The following TANGO6 variants were observed in gnomAD, a reference collection of about 807,000 sequenced individuals.
TANGO6 encodes transport and Golgi organization protein 6 homolog.
A neutral mutation model predicts 114.2 loss-of-function variants in TANGO6; 90 were observed. That is an observed-to-expected ratio of 0.79 (90% confidence interval 0.66 to 0.94). The LOEUF is 0.94. TANGO6 is among the 40% of genes least tolerant of loss of function. The probability of loss-of-function intolerance (pLI) is 0.00; values close to 1 mark genes in which losing one functional copy is unlikely to be tolerated. For synonymous variants in TANGO6, 477 were observed against 509.8 expected (o/e 0.94, Z 0.87); for missense variants, 1,274 against 1,315.3 (o/e 0.97, Z 0.49).
intron 8 of TANGO6, 107 bp from the exon 9 acceptor site, chr16:68,902,221 A>T: frequency 9.3e-7 from 1 of 1,074,342 alleles, no homozygotes; most frequent in Admixed American, 2.8e-5. Context: ...TTGTGCCAGC[A>T]TTTAAAATGC....
At position 68,852,842 on chromosome 16, in the gene TANGO6, A is replaced by G. The variant is rs80095867; in HGVS notation, c.95-7042A>G. ...GCGAGACCCCCGTCTCAAAAAGAAA[A>G]AGAAAAAAAGAAAAGTTGAAAGAAT... On this transcript the variant is annotated intron_variant, in intron 1 of 17. Coordinates refer to ENST00000261778, the MANE Select transcript of TANGO6 (RefSeq NM_024562.2). Among the ~76,000 whole-genome samples the G allele has an allele frequency of 6.8e-3, 1,032 of 152,182 alleles. 6 individuals carry two copies. The highest frequency in any genetic ancestry group is 0.014 in the Middle Eastern group (4 of 294).
At position 69,058,817 on chromosome 16, in the gene TANGO6, C is replaced by G. The variant is rs531450333; in HGVS notation, c.3108+18396C>G. 4.6e-5 allele frequency among the ~76,000 whole-genome samples: 7 copies of G among 151,994 alleles called. No homozygotes were observed. In the East Asian group the frequency reaches 1.4e-3, roughly 29 times the overall value. On this transcript the variant is annotated intron_variant, in intron 17 of 17. Transcript: ENST00000261778. Reference sequence around the variant, plus strand: ...AGTAGCTGGGACTACAGGCGCCCGCCACCACACCTGGCTAATTTTTTTGTA... The same window carrying G: ...AGTAGCTGGGACTACAGGCGCCCGCGACCACACCTGGCTAATTTTTTTGTA...
At chr16:69,036,792 A>T (rs1256592550) in intron 16 of TANGO6, among the ~76,000 whole-genome samples, 1 of 152,086 alleles carries the variant, frequency 6.6e-6, no homozygotes, top group African/African-American at 2.4e-5. Context: ...GCAAAACTCC[A>T]TCTCTACAAA....
In TANGO6 at chr16:69,065,519, C is replaced by G. The variant is rs1301053904; in HGVS notation, c.3109-17966C>G. ...TGATACCCGCCTCATCTCCTTTCCA[C>G]CCCATCTCCAATTTGCACTTTAGAT... is the stretch of plus-strand genomic sequence containing the variant. On this transcript the variant is annotated intron_variant, in intron 17 of 17. Transcript: ENST00000261778. Among the ~76,000 whole-genome samples, 3 of 152,218 alleles carry G rather than the reference C, an allele frequency of 2.0e-5. No individual in the cohort carries two copies. The South Asian group carries it at 6.2e-4, about 32-fold the overall frequency.
At chr16:68,995,804 G>A (rs931659137) in intron 15 of TANGO6, among the ~76,000 whole-genome samples, 3 of 152,198 alleles carry the variant, frequency 2.0e-5, no homozygotes, top group Admixed American at 1.3e-4. Flanking sequence ...ACCTTGAAAT[G>A]TCAGAGATGT....
intron 17 of TANGO6, among the ~76,000 whole-genome samples, chr16:69,063,442 G>A (rs1212487577): frequency 2.0e-5 from 3 of 151,662 alleles, no homozygotes; most frequent in African/African-American, 7.3e-5. Context: ...GGAGAATGGC[G>A]TGAACCCCGG....
intron 1 of TANGO6, among the ~76,000 whole-genome samples, chr16:68,857,347 G>A (rs1962012527): frequency 6.6e-6 from 1 of 151,162 alleles, no homozygotes; most frequent in South Asian, 2.1e-4. Flanking sequence ...TTTTATCACT[G>A]ATTAATATTC....
chr16:68,982,660 CAG>C (rs1043068294), intron 15 of TANGO6, among the ~76,000 whole-genome samples: 8 of 75,770 alleles, frequency 1.1e-4, no homozygotes, highest in South Asian at 3.8e-4. Flanking sequence ...TTTGTAGAGA[CAG>C]GGGCTCACTA....
intron 15 of TANGO6, among the ~76,000 whole-genome samples, chr16:68,990,695 C>T (rs1963939167): frequency 6.6e-6 from 1 of 152,184 alleles, no homozygotes; most frequent in Admixed American, 6.5e-5. Flanking sequence ...GCATGAGCCA[C>T]CATGCCTGGC....
intron 16 of TANGO6, among the ~76,000 whole-genome samples, chr16:69,031,093 T>A (rs897646775): frequency 1.3e-4 from 19 of 151,858 alleles, no homozygotes; most frequent in African/African-American, 4.3e-4. Flanking sequence ...AATTTAAAAA[T>A]TTTTTTTAAA....
In TANGO6 at chr16:68,880,795, G is replaced by A. The variant is rs1183666660; in HGVS notation, c.1377+165G>A. 6.6e-5 allele frequency among the ~76,000 whole-genome samples: 10 copies of A among 152,224 alleles called. No homozygotes were observed. In the East Asian group the frequency reaches 1.9e-3, roughly 29 times the overall value. ...CTTCCTTAGCCTCCCAAAGTGCTGG[G>A]ATTACAGGTGTGAGCCGCTGCTCCC... On this transcript the variant is annotated intron_variant, in intron 7 of 17. Transcript: ENST00000261778.
intron 1 of TANGO6, among the ~76,000 whole-genome samples, chr16:68,858,594 C>T (rs961943976): frequency 6.6e-6 from 1 of 152,122 alleles, no homozygotes; most frequent in African/African-American, 2.4e-5. Flanking sequence ...AGTCCCTCTA[C>T]CTCAGCCCCC....
chr16:68,903,435 A>G (rs1428825976), intron 9 of TANGO6, among the ~76,000 whole-genome samples: 1 of 151,670 alleles, frequency 6.6e-6, no homozygotes, highest in Non-Finnish European at 1.5e-5. Context: ...CCTGGCCAAC[A>G]TGGTGAAACC....
At chr16:68,877,757 G>A (rs557439814) in intron 5 of TANGO6, among the ~76,000 whole-genome samples, 107 of 151,924 alleles carry the variant, frequency 7.0e-4, no homozygotes, top group African/African-American at 2.5e-3. Context: ...ACAGGCGCCC[G>A]CCACCACACT....
chr16:68,860,542 AAG>A lies in TANGO6; in HGVS notation c.735+25_735+26del, dbSNP rs747834500. The A allele has an allele frequency of 2.6e-5, 42 of 1,605,902 alleles. No homozygotes were observed. Among genetic ancestry groups the A allele is most frequent in the Non-Finnish European group, 3.5e-5 (41 of 1,174,456 alleles). On this transcript the variant is annotated intron_variant, in intron 2 of 17. Transcript: ENST00000261778. ...CAGAAGAGGTAAATATACATTGAGA[AAG>A]AGAGAGGGAGAGATTGTGTGTGTAT...
intron 15 of TANGO6, among the ~76,000 whole-genome samples, chr16:68,976,948 C>T (rs1963770554): frequency 6.6e-6 from 1 of 152,166 alleles, no homozygotes; most frequent in Admixed American, 6.6e-5. Context: ...AGCCTATTAT[C>T]TAAGGCAGAA....
chr16:69,044,843 C>A (rs918611330), intron 17 of TANGO6, among the ~76,000 whole-genome samples: 2 of 152,014 alleles, frequency 1.3e-5, no homozygotes, highest in Non-Finnish European at 2.9e-5. Flanking sequence ...GTAAGCAAGA[C>A]CTTATCTGAA....
intron 14 of TANGO6, among the ~76,000 whole-genome samples, chr16:68,962,613 T>A (rs188986744): frequency 6.6e-6 from 1 of 152,140 alleles, no homozygotes; most frequent in African/African-American, 2.4e-5. Flanking sequence ...AATACAAAAT[T>A]AGCCAGGCAT....
chr16:68,860,612 C>A, intron 2 of TANGO6, 88 bp downstream of exon 2: 1 of 1,479,800 alleles, frequency 6.8e-7, no homozygotes, highest in African/African-American at 1.4e-5. Flanking sequence ...TAAAAGGCAA[C>A]TCTTAGTTCT....
Sources: allele counts gnomAD v4.1 joint callset (sites outside exome capture counted in the v4.1 genomes callset), GRCh38; gene constraint gnomAD v4.1.1; transcripts MANE v1.5; gene names NCBI Gene and HGNC (gene_info 2026-07-23, HGNC 2026-07-21).